Variants in MECR observed in about 807,000 individuals in gnomAD.
MECR encodes the protein mitochondrial trans-2-enoyl-CoA reductase.
MECR carries 37 observed loss-of-function variants against 49.1 expected under a neutral mutation model. That is an observed-to-expected ratio of 0.75 (90% CI 0.58 to 0.99). MECR has a LOEUF of 0.99. Among genes scored for constraint, MECR ranks in the 50% least tolerant of loss-of-function variants. The pLI, the probability that MECR is intolerant of heterozygous loss-of-function variation, is 0.00. For missense variants in MECR, 470 were observed against 479.6 expected, an observed-to-expected ratio of 0.98 and a Z score of 0.19; for synonymous variants, 198 against 191.1, an observed-to-expected ratio of 1.04 and a Z score of -0.30.
At chr1:29,210,800 TC>T (rs1307034174) in intron 3 of MECR, among the ~76,000 whole-genome samples, 1 of 152,240 alleles carries the variant, frequency 6.6e-6, no homozygotes, top group Non-Finnish European at 1.5e-5. Flanking sequence ...TTTTTGAGTT[TC>T]CATTTCCCTA....
chr1:29,228,917 C>G (rs1682785261), intron 1 of MECR: 1 of 152,168 alleles, frequency 6.6e-6, no homozygotes, highest in Non-Finnish European at 1.5e-5. Flanking sequence ...ACACAAACTA[C>G]AAGTCCGTGG....
the MECR span, among the ~76,000 whole-genome samples, chr1:29,168,029 T>TAA: frequency 9.2e-5 from 13 of 141,194 alleles, no homozygotes; most frequent in South Asian, 2.3e-4. Context: ...TTTTTTTTTT[T>TAA]AAAAAAAACA....
intron 3 of MECR, among the ~76,000 whole-genome samples, chr1:29,207,717 G>A (rs1280739791): frequency 2.6e-5 from 4 of 152,096 alleles, no homozygotes; most frequent in East Asian, 1.9e-4. Flanking sequence ...TCCAGCCTCG[G>A]TGACACAGCA....
At chr1:29,226,282 G>C (rs535247541) in intron 1 of MECR, among the ~76,000 whole-genome samples, 3 of 149,970 alleles carry the variant, frequency 2.0e-5, no homozygotes, top group Non-Finnish European at 4.4e-5. Flanking sequence ...AAGCCAAGAT[G>C]ATCAGGATGC....
intron 3 of MECR, among the ~76,000 whole-genome samples, chr1:29,214,019 G>A (rs373090922): frequency 6.6e-6 from 1 of 151,298 alleles, no homozygotes; most frequent in African/African-American, 2.4e-5. Flanking sequence ...TGAACCCGAA[G>A]CTTTCACTCT....
downstream of MECR, among the ~76,000 whole-genome samples, chr1:29,188,831 G>C (rs543093601): frequency 6.6e-6 from 1 of 151,958 alleles, no homozygotes; most frequent in African/African-American, 2.4e-5. Context: ...ATAGAGATGG[G>C]GTTTCACCAT....
intron 6 of MECR, among the ~76,000 whole-genome samples, chr1:29,200,822 T>C (rs1372979210): frequency 6.6e-6 from 1 of 152,166 alleles, no homozygotes; most frequent in African/African-American, 2.4e-5. Context: ...AGGGTCTCGC[T>C]CTGTTACCCA....
intron 3 of MECR, among the ~76,000 whole-genome samples, 174 bp downstream of exon 3, chr1:29,215,831 A>G (rs983008143): frequency 2.6e-5 from 4 of 152,196 alleles, no homozygotes; most frequent in African/African-American, 9.7e-5. Flanking sequence ...AGATCGCGCC[A>G]TTGCACTCCA....
chr1:29,195,797 C>T, intron 9 of MECR, 144 bp downstream of exon 9: 1 of 813,982 alleles, frequency 1.2e-6, no homozygotes, highest in South Asian at 1.5e-5. Flanking sequence ...CTGACTGTAG[C>T]TGGACTAAGG....
At chr1:29,176,194 G>T in the MECR span, among the ~76,000 whole-genome samples, 1 of 152,140 alleles carries the variant, frequency 6.6e-6, no homozygotes, top group East Asian at 1.9e-4. Context: ...GGAAGTTGCA[G>T]TGAGCTGAGA....
chr1:29,179,910 A>AG, the MECR span, among the ~76,000 whole-genome samples: 1 of 152,208 alleles, frequency 6.6e-6, no homozygotes, highest in African/African-American at 2.4e-5. Context: ...TGGTTGATGA[A>AG]TCAGTTTCCC....
At chr1:29,218,813 G>C (rs1680089688) in intron 1 of MECR, among the ~76,000 whole-genome samples, 1 of 152,184 alleles carries the variant, frequency 6.6e-6, no homozygotes, top group African/African-American at 2.4e-5. Context: ...GGGAGCCCTT[G>C]TAATAGTAAT....
intron 3 of MECR, among the ~76,000 whole-genome samples, chr1:29,215,637 G>A (rs1414814354): frequency 1.3e-5 from 2 of 151,736 alleles, no homozygotes; most frequent in African/African-American, 2.4e-5. Context: ...TTGGGAGGCC[G>A]AGGCAGGCGG....
chr1:29,185,343 G>A, the MECR span, among the ~76,000 whole-genome samples: 1 of 152,068 alleles, frequency 6.6e-6, no homozygotes, highest in Non-Finnish European at 1.5e-5. Flanking sequence ...GTGCCTCCTG[G>A]GTTCACACGG....
At chr1:29,211,578 A>G (rs1678031427) in intron 3 of MECR, among the ~76,000 whole-genome samples, 1 of 152,272 alleles carries the variant, frequency 6.6e-6, no homozygotes, top group Admixed American at 6.5e-5. Context: ...CATTGCATAT[A>G]TTCTCAGTTG....
chr1:29,196,556 G>A (rs773226983), intron 7 of MECR, among the ~76,000 whole-genome samples: 67 of 152,150 alleles, frequency 4.4e-4, no homozygotes, highest in Middle Eastern at 3.4e-3. Context: ...TGGGCAAGGC[G>A]GCATGCCTGT....
intron 3 of MECR, among the ~76,000 whole-genome samples, chr1:29,214,406 G>A (rs145815731): frequency 6.7e-6 from 1 of 148,244 alleles, no homozygotes; most frequent in Non-Finnish European, 1.5e-5. Flanking sequence ...CTGTTGCCCA[G>A]GCTGGAGTGC....
chr1:29,198,143 C>T (rs918581604), intron 7 of MECR, among the ~76,000 whole-genome samples: 3 of 152,148 alleles, frequency 2.0e-5, no homozygotes, highest in African/African-American at 2.4e-5. Flanking sequence ...CCATGAGAAT[C>T]GAATGCTGCC....
chr1:29,214,187 G>A (rs1322061070), intron 3 of MECR, among the ~76,000 whole-genome samples: 2 of 149,016 alleles, frequency 1.3e-5, no homozygotes, highest in Admixed American at 6.8e-5. Flanking sequence ...TCAACTTCCC[G>A]AGTAGCTGGG....
Sources: allele counts gnomAD v4.1 joint callset (sites outside exome capture counted in the v4.1 genomes callset), GRCh38; gene constraint gnomAD v4.1.1; transcripts MANE v1.5; gene names NCBI Gene and HGNC (gene_info 2026-07-23, HGNC 2026-07-21).